Variants in BPGM observed in about 807,000 individuals in gnomAD.
BPGM encodes 2,3-bisphosphoglycerate mutase, erythrocyte.
A neutral mutation model predicts 21.6 loss-of-function variants in BPGM; 15 were observed. The observed-to-expected ratio is 0.70, with a 90% CI of 0.47 to 1.07. The LOEUF (loss-of-function observed/expected upper bound fraction) is 1.07, where lower values mean the gene tolerates loss of function less well. Among genes scored for constraint, BPGM ranks in the 50% least tolerant of loss-of-function variants. The probability of loss-of-function intolerance (pLI) is 0.00; values close to 1 mark genes in which losing one functional copy is unlikely to be tolerated. For missense variants in BPGM, 273 were observed against 319.0 expected, an observed-to-expected ratio of 0.86 and a Z score of 1.10; for synonymous variants, 113 against 116.2, an observed-to-expected ratio of 0.97 and a Z score of 0.18.
chr7:134,655,572 C>T (rs796919258), intron 1 of BPGM, among the ~76,000 whole-genome samples: 14 of 152,232 alleles, frequency 9.2e-5, no homozygotes, highest in African/African-American at 3.4e-4. Context: ...TTATGGCCAT[C>T]CATGAACATA....
intron 2 of BPGM, among the ~76,000 whole-genome samples, chr7:134,665,045 T>C (rs1795793554): frequency 6.6e-6 from 1 of 152,214 alleles, no homozygotes; most frequent in Non-Finnish European, 1.5e-5. Context: ...ACTCTGAATA[T>C]GCTAAGAGCC....
intron 2 of BPGM, among the ~76,000 whole-genome samples, chr7:134,667,630 C>T (rs1299124853): frequency 6.6e-6 from 1 of 152,150 alleles, no homozygotes; most frequent in Non-Finnish European, 1.5e-5. Context: ...TTTTATATTT[C>T]CTGTAAGCAC....
At chr7:134,647,223 G>A (rs1795474849) in intron 1 of BPGM, 1 of 152,344 alleles carries the variant, frequency 6.6e-6, no homozygotes, top group African/African-American at 2.4e-5. Context: ...ATATATAGAA[G>A]TTGGAGGGAA....
rs117003588 is a variant in BPGM at position 134,658,848 on chromosome 7, G to T, written c.-61-2599G>T. On this transcript the variant is annotated intron_variant, in intron 1 of 2. Coordinates refer to ENST00000344924, the MANE Select transcript of BPGM (RefSeq NM_001724.5). ...AAGGATGCATATTTGCATAGTTTTT[G>T]TGACTGCAGTACTGTTCCTCTGTTC... 2.2e-4 allele frequency among the ~76,000 whole-genome samples: 32 copies of T among 148,492 alleles called. 1 individual carries two copies. The highest frequency in any genetic ancestry group is 5.9e-5 in the Non-Finnish European group (4 of 67,686).
In BPGM at chr7:134,668,823, T is replaced by TA. The variant is rs541663644; in HGVS notation, c.601+6721dup. ...TTTTGCCAAGTGAAAGAAATTGGGC[T>TA]AAAAAAGCTGTGTATTGTATGATTC... On this transcript the variant is annotated intron_variant, in intron 2 of 2. Coordinates refer to ENST00000344924, the MANE Select transcript of BPGM (RefSeq NM_001724.5). 1.4e-3 allele frequency among the ~76,000 whole-genome samples: 217 copies of TA among 152,302 alleles called. 5 individuals are homozygous for TA. In the South Asian group the frequency reaches 0.042, roughly 30 times the overall value.
chr7:134,675,680 CT>C (rs1276752663), intron 2 of BPGM, among the ~76,000 whole-genome samples: 1 of 152,018 alleles, frequency 6.6e-6, no homozygotes, highest in Non-Finnish European at 1.5e-5. Flanking sequence ...TTTATTTCTT[CT>C]TTTTCAAGAT....
At chr7:134,662,138 G>A (rs1795746985) in intron 2 of BPGM, 30 bp downstream of exon 2, 1 of 1,613,070 alleles carries the variant, frequency 6.2e-7, no homozygotes, top group Admixed American at 1.7e-5. Flanking sequence ...CTTATTAGAG[G>A]TTGCCAAGTG....
chr7:134,674,185 T>G (rs1301567985), intron 2 of BPGM, among the ~76,000 whole-genome samples: 1 of 152,194 alleles, frequency 6.6e-6, no homozygotes, highest in African/African-American at 2.4e-5. Context: ...AGTGCTGAGA[T>G]TAGAGGCATG....
At chr7:134,663,820 C>CT (rs1423244164) in intron 2 of BPGM, among the ~76,000 whole-genome samples, 1 of 152,178 alleles carries the variant, frequency 6.6e-6, no homozygotes, top group Non-Finnish European at 1.5e-5. Context: ...TTATAGATCT[C>CT]TTTAAAACGA....
At chr7:134,659,791 C>T (rs11982372) in intron 1 of BPGM, among the ~76,000 whole-genome samples, 15,085 of 152,126 alleles carry the variant, frequency 0.099, 1,169 homozygotes, top group African/African-American at 0.21. Context: ...AAGCATGGAT[C>T]GTGTAAATGA....
intron 1 of BPGM, 58 bp downstream of exon 1, chr7:134,646,995 G>A (rs1430452790): frequency 6.1e-6 from 1 of 163,110 alleles, no homozygotes; most frequent in African/African-American, 2.4e-5. Context: ...GTGATGTGAT[G>A]TTTTATTTTT....
At chr7:134,659,372 CGTGTGTGTGTGTGTGTGTGTGTGT>C (rs66893203) in intron 1 of BPGM, among the ~76,000 whole-genome samples, 2 of 145,388 alleles carry the variant, frequency 1.4e-5, no homozygotes, top group East Asian at 4.2e-4. Context: ...CACACCCCTC[CGTGTGTGTGTGTGTGTGTGTGTGT>C]GTGTGTGTGT....
At chr7:134,674,019 TCTC>T (rs1166866047) in intron 2 of BPGM, among the ~76,000 whole-genome samples, 1 of 151,254 alleles carries the variant, frequency 6.6e-6, no homozygotes, top group Non-Finnish European at 1.5e-5. Flanking sequence ...ATCAAGCAAT[TCTC>T]CTGCCTCAGC....
intron 1 of BPGM, chr7:134,658,242 T>A (rs1015255881): frequency 6.6e-6 from 1 of 152,144 alleles, no homozygotes; most frequent in Non-Finnish European, 1.5e-5. Context: ...TTAGCTTTTT[T>A]AAAAAAGACA....
intron 2 of BPGM, among the ~76,000 whole-genome samples, chr7:134,671,160 G>A (rs902752745): frequency 1.3e-5 from 2 of 151,886 alleles, no homozygotes; most frequent in Admixed American, 1.3e-4. Context: ...TTCAATTCAG[G>A]TTTGCACCTA....
At chr7:134,677,969 A>C (rs1013672251) in intron 2 of BPGM, among the ~76,000 whole-genome samples, 1 of 152,216 alleles carries the variant, frequency 6.6e-6, no homozygotes, top group Non-Finnish European at 1.5e-5. Context: ...AACTTGTTAC[A>C]TGGAGAAATA....
intron 2 of BPGM, among the ~76,000 whole-genome samples, chr7:134,677,075 G>A (rs1272856391): frequency 6.6e-6 from 1 of 152,182 alleles, no homozygotes; most frequent in Non-Finnish European, 1.5e-5. Flanking sequence ...GGGCTTGGCA[G>A]GGCAAAGGAG....
At chr7:134,660,037 T>C (rs1438579629) in intron 1 of BPGM, among the ~76,000 whole-genome samples, 1 of 152,210 alleles carries the variant, frequency 6.6e-6, no homozygotes, top group Non-Finnish European at 1.5e-5. Context: ...CCAGGACATA[T>C]TCCCTTCATT....
intron 2 of BPGM, among the ~76,000 whole-genome samples, chr7:134,668,470 T>C (rs1184859789): frequency 6.6e-6 from 1 of 152,222 alleles, no homozygotes; most frequent in Non-Finnish European, 1.5e-5. Flanking sequence ...AAATTATTAC[T>C]GCTGTTATAA....
Sources: gnomAD v4.1 joint callset for allele counts (sites outside exome capture counted in the v4.1 genomes callset) on GRCh38, gnomAD v4.1.1 for gene constraint, MANE v1.5 for transcripts, NCBI Gene and HGNC (gene_info 2026-07-23, HGNC 2026-07-21) for gene names.